The following DGKI variants were observed in gnomAD, a reference collection of about 807,000 sequenced individuals.
DGKI encodes diacylglycerol kinase iota, also known as DAG kinase iota.
A neutral mutation model predicts 147.5 loss-of-function variants in DGKI; 55 were observed. That is an observed-to-expected ratio of 0.37 (90% CI 0.30 to 0.47). The LOEUF (loss-of-function observed/expected upper bound fraction) is 0.47. Ranked by LOEUF, DGKI falls within the 20% of genes least tolerant of loss-of-function variation. The probability of loss-of-function intolerance (pLI) is 1.00; values close to 1 mark genes in which losing one functional copy is unlikely to be tolerated. For missense variants in DGKI, 1,007 were observed against 1,323.8 expected (o/e 0.76, Z 3.71); for synonymous variants, 469 against 477.1 (o/e 0.98, Z 0.22).
In DGKI at chr7:137,835,521, G is replaced by A. The variant is rs6957908; in HGVS notation, c.401+10941C>T. ...ACTTGAACTGGGTCTCCTTTACAAT[G>A]AAATGGCTGCTGCTTAGCAACTAAT... On this transcript the variant is annotated intron_variant, in intron 1 of 32. Transcript: ENST00000614521. 7.7e-3 allele frequency among the ~76,000 whole-genome samples: 1,168 copies of A among 152,236 alleles called. 7 individuals carry two copies. The highest frequency in any genetic ancestry group is 0.026 in the African/African-American group (1,080 of 41,534).
At chr7:137,814,476 G>A (rs1585525239) in intron 1 of DGKI, among the ~76,000 whole-genome samples, 1 of 152,098 alleles carries the variant, frequency 6.6e-6, no homozygotes, top group Non-Finnish European at 1.5e-5. Context: ...ATGTTTTGGG[G>A]TGCATTGTTT....
chr7:137,762,958 C>T (rs1208556590), intron 1 of DGKI, among the ~76,000 whole-genome samples: 1 of 152,200 alleles, frequency 6.6e-6, no homozygotes, highest in Non-Finnish European at 1.5e-5. Context: ...CTGTTCAAAA[C>T]CTTATGGCCT....
intron 28 of DGKI, among the ~76,000 whole-genome samples, chr7:137,426,730 A>C (rs1812825108): frequency 6.6e-6 from 1 of 151,662 alleles, no homozygotes; most frequent in Non-Finnish European, 1.5e-5. Flanking sequence ...GGAAAACAAA[A>C]AAAGGCAGGG....
At chr7:137,769,546 T>C (rs966180239) in intron 1 of DGKI, among the ~76,000 whole-genome samples, 19 of 152,124 alleles carry the variant, frequency 1.2e-4, no homozygotes, top group African/African-American at 4.1e-4. Context: ...AGGCAACCTA[T>C]GAATGGGAGA....
intron 11 of DGKI, 101 bp downstream of exon 11, chr7:137,599,722 A>T: frequency 2.0e-6 from 2 of 1,015,578 alleles, no homozygotes; most frequent in Admixed American, 1.9e-5. Flanking sequence ...GGTAGATGAC[A>T]GATGGTCAGG....
chr7:137,810,772 C>A (rs531177165), intron 1 of DGKI, among the ~76,000 whole-genome samples: 2 of 151,688 alleles, frequency 1.3e-5, no homozygotes, highest in South Asian at 4.2e-4. Flanking sequence ...TTATTTGTGG[C>A]AAATAAACAT....
intron 28 of DGKI, among the ~76,000 whole-genome samples, chr7:137,417,861 C>T (rs1199380313): frequency 6.6e-6 from 1 of 152,198 alleles, no homozygotes; most frequent in Non-Finnish European, 1.5e-5. Context: ...GAGGATGCAG[C>T]AAGAGCTTTC....
At position 137,620,029 on chromosome 7, in the gene DGKI, A is replaced by ACACT. The variant is rs1820689124; in HGVS notation, c.877-90_877-89insAGTG. On this transcript the variant is annotated intron_variant, in intron 7 of 32. Transcript: ENST00000614521. ...TAAATATGTACACACGCACACACAC[A>ACACT]CACACACACACACACACACACACAC... 1.8e-5 allele frequency: 13 copies of ACACT among 727,934 alleles called. No homozygotes were observed. The South Asian group carries it at 1.9e-4, about 11-fold the overall frequency. 45.1% of individuals were successfully genotyped at this position (727,934 alleles called of 1,614,324 possible).
At chr7:137,528,639 A>G (rs1186701414) in intron 20 of DGKI, among the ~76,000 whole-genome samples, 1 of 152,184 alleles carries the variant, frequency 6.6e-6, no homozygotes, top group Non-Finnish European at 1.5e-5. Context: ...AGCCCTTCTT[A>G]TAAGATCATC....
chr7:137,612,142 C>T (rs553333352), intron 8 of DGKI, among the ~76,000 whole-genome samples: 17 of 150,120 alleles, frequency 1.1e-4, no homozygotes, highest in Non-Finnish European at 2.1e-4. Flanking sequence ...TAGAAAAACA[C>T]ATTAAAGTAA....
chr7:137,411,114 C>G (rs1004578329), intron 29 of DGKI, among the ~76,000 whole-genome samples: 1 of 152,182 alleles, frequency 6.6e-6, no homozygotes, highest in Non-Finnish European at 1.5e-5. Flanking sequence ...TAGGACTGTT[C>G]AGCTTTCTCT....
Position 137,599,918 on chromosome 7 carries a change from A to G in DGKI, c.1168-13T>C. The G allele has an allele frequency of 1.2e-6, 2 of 1,606,492 alleles. No individual in the cohort carries two copies. The highest frequency in any genetic ancestry group is 1.7e-6 in the Non-Finnish European group (2 of 1,173,434). Reference sequence around the variant, plus strand: ...GGACTTTGGTTCCCTGTAAAAAATAAATACACAAAAAGGCAATAATAGGAA... The same window carrying G: ...GGACTTTGGTTCCCTGTAAAAAATAGATACACAAAAAGGCAATAATAGGAA... On this transcript the variant is annotated splice_polypyrimidine_tract_variant and intron_variant, in intron 10 of 32. Transcript: ENST00000614521.
chr7:137,522,185 T>C (rs1585195754), intron 20 of DGKI, among the ~76,000 whole-genome samples: 1 of 152,020 alleles, frequency 6.6e-6, no homozygotes, highest in African/African-American at 2.4e-5. Context: ...TATAGAAATA[T>C]GCAAAAAGAG....
chr7:137,572,241 T>A (rs1818818426), intron 18 of DGKI, among the ~76,000 whole-genome samples: 1 of 152,360 alleles, frequency 6.6e-6, no homozygotes, highest in East Asian at 1.9e-4. Flanking sequence ...TTGAGTCTAG[T>A]TATCTTAAAT....
intron 27 of DGKI, chr7:137,454,638 G>A (rs1814112823): frequency 6.6e-6 from 1 of 152,152 alleles, no homozygotes; most frequent in African/African-American, 2.4e-5. Context: ...TAAAGGATGG[G>A]TGGCTTGCCT....
chr7:137,552,902 G>T lies in DGKI; in HGVS notation c.1948-334C>A, dbSNP rs535193046. 2.4e-4 allele frequency among the ~76,000 whole-genome samples: 37 copies of T among 152,096 alleles called. No individual in the cohort carries two copies. In the Middle Eastern group the frequency reaches 0.01, roughly 42 times the overall value. On this transcript the variant is annotated intron_variant, in intron 19 of 32. Coordinates refer to ENST00000614521, the MANE Select transcript of DGKI (RefSeq NM_001321708.2). ...TGCACTCCAGCATGGGCAATAGAGCGAGACTCCATCTCAAAGAAAAAAAAG... is the reference window on the plus strand; with the variant it reads ...TGCACTCCAGCATGGGCAATAGAGCTAGACTCCATCTCAAAGAAAAAAAAG...
chr7:137,498,564 G>A (rs1816054303), intron 21 of DGKI, among the ~76,000 whole-genome samples: 1 of 151,966 alleles, frequency 6.6e-6, no homozygotes, highest in Admixed American at 6.6e-5. Context: ...TATATACAAA[G>A]GATTAAAATT....
At chr7:137,639,867 A>G (rs894025388) in intron 6 of DGKI, among the ~76,000 whole-genome samples, 2 of 152,160 alleles carry the variant, frequency 1.3e-5, no homozygotes, top group South Asian at 4.1e-4. Flanking sequence ...TATAATTTAC[A>G]TTAAAAAACT....
At chr7:137,434,052 G>A (rs1468115416) in intron 28 of DGKI, among the ~76,000 whole-genome samples, 1 of 151,298 alleles carries the variant, frequency 6.6e-6, no homozygotes, top group Non-Finnish European at 1.5e-5. Context: ...CTGGGAGGCA[G>A]AGGTTGCAGT....
Sources: gnomAD v4.1 joint callset for allele counts (sites outside exome capture counted in the v4.1 genomes callset) on GRCh38, gnomAD v4.1.1 for gene constraint, MANE v1.5 for transcripts, NCBI Gene and HGNC (gene_info 2026-07-23, HGNC 2026-07-21) for gene names.